SMYD4: variants seen among roughly 807,000 people sequenced by gnomAD.
The protein encoded by SMYD4 is protein-lysine N-methyltransferase SMYD4.
Under a neutral mutation model 72.8 loss-of-function variants are expected in SMYD4, and 68 were observed. The observed-to-expected ratio is 0.93, with a 90% CI of 0.77 to 1.14. The LOEUF (loss-of-function observed/expected upper bound fraction) is 1.14. Among genes scored for constraint, SMYD4 ranks in the 50% most tolerant of loss-of-function variants. The pLI, the probability that SMYD4 is intolerant of heterozygous loss-of-function variation, is 0.00. For synonymous variants in SMYD4, 407 were observed against 388.6 expected (o/e 1.05, Z -0.56); for missense variants, 984 against 1,003.7 (o/e 0.98, Z 0.27).
Position 1,828,018 on chromosome 17 carries a change from G to A in SMYD4, c.-12-12C>T, listed in dbSNP as rs753119928. The A allele has an allele frequency of 1.9e-6, 3 of 1,591,332 alleles. No individual in the cohort carries two copies. In the East Asian group the frequency reaches 6.8e-5, roughly 36 times the overall value. ...ATGCTGCTTTTGATCTATAAAATGA[G>A]TAAGAAAATAGGAATCTTACAAATG... On this transcript the variant is annotated splice_polypyrimidine_tract_variant and intron_variant, in intron 1 of 10. Transcript: ENST00000305513.
Position 1,804,610 on chromosome 17 carries a change from G to C in SMYD4, c.369+16C>G. 6.2e-7 allele frequency: 1 copy of C among 1,611,662 alleles called. No individual in the cohort carries two copies. Among genetic ancestry groups the C allele is most frequent in the Non-Finnish European group, 8.5e-7 (1 of 1,178,092 alleles). On this transcript the variant is annotated intron_variant, in intron 4 of 10. Transcript: ENST00000305513. Reference sequence around the variant, plus strand: ...TCCGGATCCTGTCCTCTCATACCAGGTATCCTGATACTCACCTCATACTGA... The same window carrying C: ...TCCGGATCCTGTCCTCTCATACCAGCTATCCTGATACTCACCTCATACTGA...
At chr17:1,813,697 G>C (rs961254772) in intron 2 of SMYD4, among the ~76,000 whole-genome samples, 3 of 152,058 alleles carry the variant, frequency 2.0e-5, no homozygotes, top group African/African-American at 7.2e-5. Context: ...TCACAGGTGT[G>C]AGCCACTGTG....
intron 5 of SMYD4, among the ~76,000 whole-genome samples, chr17:1,794,105 A>ATATATTTTTTTTTTTT: frequency 7.7e-5 from 1 of 12,992 alleles, no homozygotes; most frequent in Non-Finnish European, 1.4e-4. Context: ...ATATATATAT[A>ATATATTTTTTTTTTTT]TTTTTTTTTT....
intron 5 of SMYD4, among the ~76,000 whole-genome samples, chr17:1,794,006 T>TAC (rs1909208044): frequency 1.6e-5 from 1 of 60,864 alleles, no homozygotes; most frequent in African/African-American, 5.8e-5. Flanking sequence ...TATATATATA[T>TAC]GTATATATAT....
intron 3 of SMYD4, among the ~76,000 whole-genome samples, chr17:1,810,405 C>T (rs528753495): frequency 2.0e-5 from 3 of 152,068 alleles, no homozygotes; most frequent in South Asian, 2.1e-4. Context: ...GGCGTGGTGC[C>T]GCATACCTGT....
chr17:1,811,702 G>C (rs1340053768), intron 3 of SMYD4, among the ~76,000 whole-genome samples: 1 of 152,236 alleles, frequency 6.6e-6, no homozygotes, highest in African/African-American at 2.4e-5. Flanking sequence ...TGAGGCGGGC[G>C]CAACACCTGA....
intron 5 of SMYD4, among the ~76,000 whole-genome samples, chr17:1,790,898 G>A (rs933530403): frequency 1.0e-4 from 15 of 149,734 alleles, no homozygotes; most frequent in African/African-American, 1.7e-4. Flanking sequence ...AGGCCCAGGC[G>A]GGTGGATCAC....
chr17:1,802,041 A>T (rs1015253192), intron 4 of SMYD4, among the ~76,000 whole-genome samples: 8 of 152,162 alleles, frequency 5.3e-5, no homozygotes, highest in Non-Finnish European at 1.2e-4. Flanking sequence ...GACCTTGTGC[A>T]ATCGACTTAA....
chr17:1,787,089 T>G, intron 6 of SMYD4, 116 bp from the exon 7 acceptor site: 1 of 1,306,700 alleles, frequency 7.7e-7, no homozygotes, highest in South Asian at 1.5e-5. Context: ...CAGCTAACCT[T>G]TACCCAAATA....
chr17:1,820,699 G>A (rs1567788419), intron 2 of SMYD4, among the ~76,000 whole-genome samples: 1 of 152,218 alleles, frequency 6.6e-6, no homozygotes, highest in Non-Finnish European at 1.5e-5. Context: ...CACTCTGGGA[G>A]ATTATTAATT....
At chr17:1,796,063 A>T (rs988253425) in intron 5 of SMYD4, among the ~76,000 whole-genome samples, 1 of 152,000 alleles carries the variant, frequency 6.6e-6, no homozygotes, top group South Asian at 2.1e-4. Flanking sequence ...ACTTTCCATG[A>T]CCCCAAGTAG....
At chr17:1,787,823 C>G (rs767481214) in intron 5 of SMYD4, among the ~76,000 whole-genome samples, 2 of 152,048 alleles carry the variant, frequency 1.3e-5, no homozygotes, top group Non-Finnish European at 2.9e-5. Context: ...CACTGGAGTC[C>G]TGGAACCTAA....
intron 2 of SMYD4, among the ~76,000 whole-genome samples, chr17:1,816,961 C>T (rs1034486749): frequency 6.6e-6 from 1 of 150,802 alleles, no homozygotes; most frequent in African/African-American, 2.4e-5. Flanking sequence ...ATATTAATTT[C>T]TTATCTGATA....
chr17:1,817,333 T>C (rs1910659052), intron 2 of SMYD4, among the ~76,000 whole-genome samples: 1 of 151,810 alleles, frequency 6.6e-6, no homozygotes, highest in South Asian at 2.1e-4. Context: ...CCACCGCGCC[T>C]GGCCTAAAAC....
chr17:1,786,379 A>T (rs913473004), intron 7 of SMYD4, among the ~76,000 whole-genome samples: 1 of 152,148 alleles, frequency 6.6e-6, no homozygotes, highest in Non-Finnish European at 1.5e-5. Flanking sequence ...AATTTTTCTC[A>T]TAACATTTTT....
In SMYD4 at chr17:1,792,121, C is replaced by T. The variant is rs146218689; in HGVS notation, c.1538-4517G>A. 6.4e-3 allele frequency among the ~76,000 whole-genome samples: 967 copies of T among 151,802 alleles called. 12 individuals are homozygous for T. The highest frequency in any genetic ancestry group is 0.022 in the African/African-American group (921 of 41,396). ...GCAGGGGCGCGATCGCGGCTCAGTG[C>T]AAGCTCCGCCTCCTGGGTTCACACC... is the stretch of plus-strand genomic sequence containing the variant. On this transcript the variant is annotated intron_variant, in intron 5 of 10. Coordinates refer to ENST00000305513, the MANE Select transcript of SMYD4 (RefSeq NM_052928.3).
In SMYD4 at chr17:1,800,974, C is replaced by G. The variant is rs767323506; in HGVS notation, c.420G>C (p.Arg140Ser). 6.2e-7 allele frequency: 1 copy of G among 1,613,966 alleles called. No individual in the cohort carries two copies. Among genetic ancestry groups the G allele is most frequent in the African/African-American group, 1.3e-5 (1 of 75,046 alleles). Residue 140 changes from arginine to serine, a missense_variant, in exon 5 of 11, where the codon AGG (arginine) becomes AGC (serine). Coordinates refer to ENST00000305513, the MANE Select transcript of SMYD4 (RefSeq NM_052928.3). ...TACGTAACATAATCTTGGGTTGCAACCTTTCTGGATACCCATGTGTCTGTG... is the reference window on the plus strand; with the variant it reads ...TACGTAACATAATCTTGGGTTGCAAGCTTTCTGGATACCCATGTGTCTGTG... ...NRAQTHGYPE[R>S]LQPKIMLRKA...
intron 5 of SMYD4, among the ~76,000 whole-genome samples, chr17:1,797,528 C>T (rs925155497): frequency 6.6e-6 from 1 of 152,190 alleles, no homozygotes. Context: ...TGAGCCAGCT[C>T]GTCTGTGTTT....
chr17:1,781,312 G>A lies in SMYD4; in HGVS notation c.2389C>T (p.Pro797Ser). The A allele has an allele frequency of 6.2e-7, 1 of 1,613,644 alleles. No individual in the cohort carries two copies. The highest frequency in any genetic ancestry group is 8.5e-7 in the Non-Finnish European group (1 of 1,180,040). The change falls in exon 11 of 11, where the codon CCC becomes TCC. Residue 797 changes from proline (P) to serine (S), a missense_variant. By Grantham distance (74) the Pro-to-Ser change is moderately conservative. Coordinates refer to ENST00000305513, the MANE Select transcript of SMYD4 (RefSeq NM_052928.3). ...TACAATGCAGGCCCTACAGGGGTGG[G>A]TGGTAAGTCCAACAAACAGGATTTC... ...KMKSCLLDLP[P>S]TPVGPAL
Sources: allele counts gnomAD v4.1 joint callset (sites outside exome capture counted in the v4.1 genomes callset), GRCh38; gene constraint gnomAD v4.1.1; transcripts MANE v1.5; gene names NCBI Gene and HGNC (gene_info 2026-07-23, HGNC 2026-07-21).